The following DPH1 variants were observed in gnomAD, a reference collection of about 807,000 sequenced individuals.
DPH1 encodes the protein 2-(3-amino-3-carboxypropyl)histidine synthase subunit 1.
Under a neutral mutation model 55.3 loss-of-function variants are expected in DPH1, and 59 were observed. The ratio of observed to expected loss-of-function variants is 1.07; its 90% CI spans 0.87 to 1.33. The LOEUF is 1.33. DPH1 is among the 40% of genes most tolerant of loss of function. The pLI is 0.00. For missense variants in DPH1, 628 were observed against 584.8 expected, an observed-to-expected ratio of 1.07 and a Z score of -0.76; for synonymous variants, 238 against 235.5, an observed-to-expected ratio of 1.01 and a Z score of -0.10.
In DPH1 at chr17:2,039,668, C is replaced by CACCTGGCA; in HGVS notation, c.681-87_681-86insACCTGGCA. 3 of 1,551,088 alleles carry CACCTGGCA rather than the reference C, an allele frequency of 1.9e-6. No individual in the cohort carries two copies. The East Asian group carries it at 6.8e-5, about 35-fold the overall frequency. On this transcript the variant is annotated intron_variant, in intron 6 of 12. Coordinates refer to ENST00000263083, the MANE Select transcript of DPH1 (RefSeq NM_001383.6). Reference sequence around the variant, plus strand: ...CTGGGATTACAGGCGTGAGCCACCGCGCCCGGCCAGCCCTGTGGACTTCTA... The same window carrying CACCTGGCA: ...CTGGGATTACAGGCGTGAGCCACCGCACCTGGCAGCCCGGCCAGCCCTGTGGACTTCTA...
In DPH1 at chr17:2,041,890, T is replaced by C. The variant is rs1477275526; in HGVS notation, c.*18+15T>C. On this transcript the variant is annotated intron_variant, in intron 12 of 12. Transcript: ENST00000263083. ...CCGGGCCTCAGGTATCAGCCCCCGC[T>C]CTGGGTGCGCCCCGCCTTTTGCCGT... is the stretch of plus-strand genomic sequence containing the variant. 1.3e-6 allele frequency: 2 copies of C among 1,557,722 alleles called. No homozygotes were observed. The highest frequency in any genetic ancestry group is 8.6e-7 in the Non-Finnish European group (1 of 1,156,144).
At chr17:2,040,854 G>T in intron 9 of DPH1, 1 of 624,432 alleles carries the variant, frequency 1.6e-6, no homozygotes, top group Non-Finnish European at 2.8e-6. Context: ...CCCTGTACCA[G>T]GTACTAAATG....
At chr17:2,038,899 AC>A (rs2067466853) in intron 6 of DPH1, 1 of 152,044 alleles carries the variant, frequency 6.6e-6, no homozygotes, top group Non-Finnish European at 1.5e-5. Context: ...TTGGGGTGGG[AC>A]GGTTCTTAGA....
intron 12 of DPH1, chr17:2,042,082 T>G: frequency 1.3e-6 from 2 of 1,565,348 alleles, no homozygotes; most frequent in South Asian, 1.1e-5. Context: ...GTCCTGTGCC[T>G]GGCGGGCTTC....
At chr17:2,034,205 C>CG (rs998275970) in intron 3 of DPH1, among the ~76,000 whole-genome samples, 1 of 149,460 alleles carries the variant, frequency 6.7e-6, no homozygotes, top group African/African-American at 2.5e-5. Flanking sequence ...GTCTGCCGGT[C>CG]GGGGGCGGTG....
intron 7 of DPH1, 149 bp from the exon 8 acceptor site, chr17:2,040,069 C>A: frequency 8.2e-7 from 1 of 1,220,340 alleles, no homozygotes. Flanking sequence ...ACAGGTCTTC[C>A]TAATGACAGT....
At chr17:2,031,565 CAAAA>C (rs56410346) in intron 1 of DPH1, among the ~76,000 whole-genome samples, 1 of 69,660 alleles carries the variant, frequency 1.4e-5, no homozygotes, top group African/African-American at 5.7e-5. Context: ...GACTCTGTCT[CAAAA>C]AAAAAAAAAA....
rs899298657 is a variant in DPH1, at chr17:2,043,123, T to C, written c.*537T>C. On this transcript the variant is annotated 3_prime_UTR_variant, in exon 13 of 13. Transcript: ENST00000263083. Reference sequence around the variant, plus strand: ...AGAGTGAAAGATCAAGAAATGTCTCTGCTCCTACATCCAGCTCCTCTAGGG... The same window carrying C: ...AGAGTGAAAGATCAAGAAATGTCTCCGCTCCTACATCCAGCTCCTCTAGGG... 5 of 1,608,086 alleles carry C rather than the reference T, an allele frequency of 3.1e-6. No individual in the cohort carries two copies. The highest frequency in any genetic ancestry group is 3.3e-5 in the Admixed American group (2 of 59,920).
At chr17:2,042,186 C>T (rs2067547260) in intron 12 of DPH1, 3 of 1,445,964 alleles carry the variant, frequency 2.1e-6, no homozygotes, top group Middle Eastern at 1.8e-4. Context: ...CGGCCCGCAC[C>T]CGGTCCCCGA....
At position 2,041,125 on chromosome 17, in the gene DPH1, C is replaced by A; in HGVS notation, c.1030C>A (p.Arg344Ser). The A allele has an allele frequency of 6.2e-7, 1 of 1,604,636 alleles. No individual in the cohort carries two copies. The highest frequency in any genetic ancestry group is 1.1e-5 in the South Asian group (1 of 89,330). Residue 344 changes from arginine to serine, a missense_variant, in exon 10 of 13, where the codon CGT (arginine) becomes AGT (serine). Arg to Ser is a moderately radical substitution (Grantham distance 110). Transcript: ENST00000263083. The stretch of plus-strand genomic sequence containing the variant: ...CAGGTGGGTGCAGGTGGCATGTCCA[C>A]GTCTCTCCATTGACTGGGGCACAGC... ...VDVWVQVACPRLSIDWGTAFP... is the reference protein window; with the variant it reads ...VDVWVQVACPSLSIDWGTAFP...
At position 2,040,430 on chromosome 17, in the gene DPH1, G is replaced by GA. The variant is rs2067498959; in HGVS notation, c.906+60dup. 14 of 1,613,570 alleles carry GA rather than the reference G, an allele frequency of 8.7e-6. No individual in the cohort carries two copies. In the Admixed American group the frequency reaches 1.3e-4, roughly 15 times the overall value. ...GGGAAGTGACTGGGAACACAGCTGG[G>GA]AAAACCAGTAGGCCACAGGTTCAGC... On this transcript the variant is annotated intron_variant, in intron 8 of 12. Coordinates refer to ENST00000263083, the MANE Select transcript of DPH1 (RefSeq NM_001383.6).
At position 2,041,750 on chromosome 17, in the gene DPH1, C is replaced by CAA. The variant is rs1567548887; in HGVS notation, c.1228-16_1228-15dup. 1 of 1,598,132 alleles carries CAA rather than the reference C, an allele frequency of 6.3e-7. No homozygotes were observed. The highest frequency in any genetic ancestry group is 1.1e-5 in the South Asian group (1 of 89,092). On this transcript the variant is annotated splice_polypyrimidine_tract_variant and intron_variant, in intron 11 of 12. Coordinates refer to ENST00000263083, the MANE Select transcript of DPH1 (RefSeq NM_001383.6). ...AGGGTCGCAGGAGCGAGACCCTAAC[C>CAA]AAAGTCTGCGACCTCAGGTGCAGGA...
Position 2,036,387 on chromosome 17 carries a change from C to G in DPH1, c.401-142C>G. ...GATTGAGAAGGAGCTTCTAGGGGAT[C>G]TGTGACCCCCCTCTTCTCCTACCCT... On this transcript the variant is annotated intron_variant, in intron 4 of 12. Coordinates refer to ENST00000263083, the MANE Select transcript of DPH1 (RefSeq NM_001383.6). This position sits in a 1 kb window ranked among gnomAD's most constrained non-coding sequence, Gnocchi z 4.8. The G allele has an allele frequency of 8.5e-7, 1 of 1,182,098 alleles. No homozygotes were observed. The highest frequency in any genetic ancestry group is 1.2e-6 in the Non-Finnish European group (1 of 837,126). The allele number at this position is 1,182,098 out of a possible 1,614,324, so 73.2% of individuals were successfully genotyped here. A position where few individuals can be genotyped will look rare whatever the true frequency, so the allele number is the denominator to read the frequency against.
At chr17:2,039,043 G>T (rs1275686062) in intron 6 of DPH1, 2 of 151,828 alleles carry the variant, frequency 1.3e-5, no homozygotes, top group African/African-American at 4.8e-5. Flanking sequence ...AGCACAGCCA[G>T]CTGTGAACTC....
chr17:2,030,221 C>T lies in DPH1; in HGVS notation c.52C>T (p.Pro18Ser). The change falls in exon 1 of 13, where the codon CCT becomes TCT. Residue 18 changes from proline (P) to serine (S), a missense_variant. Pro to Ser is a moderately conservative substitution (Grantham distance 74). Transcript: ENST00000263083. ...GAAEQGGRDGPGRGRAPRGRV... is the reference protein window; with the variant it reads ...GAAEQGGRDGSGRGRAPRGRV... ...AGCGGAGCAGGGCGGCCGAGACGGC[C>T]CTGGCAGAGGTGGGTGCTGGAACGC... 1 of 1,588,282 alleles carries T rather than the reference C, an allele frequency of 6.3e-7. No homozygotes were observed.
Position 2,032,072 on chromosome 17 carries a change from C to T in DPH1, c.62-1433C>T, listed in dbSNP as rs537856396. On this transcript the variant is annotated intron_variant, in intron 1 of 12. Coordinates refer to ENST00000263083, the MANE Select transcript of DPH1 (RefSeq NM_001383.6). ...TCCCTTTTAAATGAGGAGAGGTAAGCGTGAAAGAACGAACAGTGTGGCCAC... is the reference window on the plus strand; with the variant it reads ...TCCCTTTTAAATGAGGAGAGGTAAGTGTGAAAGAACGAACAGTGTGGCCAC... Among the ~76,000 whole-genome samples, 4 of 152,216 alleles carry T rather than the reference C, an allele frequency of 2.6e-5. No homozygotes were observed. In the East Asian group the frequency reaches 5.8e-4, roughly 22 times the overall value.
At chr17:2,042,114 CGT>C in intron 12 of DPH1, 1 of 1,566,390 alleles carries the variant, frequency 6.4e-7, no homozygotes, top group Non-Finnish European at 8.6e-7. Context: ...GCGGGGCTTC[CGT>C]GAGAAGACCG....
At chr17:2,030,852 C>G (rs1392570285) in intron 1 of DPH1, among the ~76,000 whole-genome samples, 1 of 152,140 alleles carries the variant, frequency 6.6e-6, no homozygotes, top group Non-Finnish European at 1.5e-5. Flanking sequence ...GCTGATTGTC[C>G]AAGGCTTTTG....
Position 2,033,669 on chromosome 17 carries a change from A to T in DPH1, c.214+12A>T. Reference sequence around the variant, plus strand: ...CCAGGCCAAGAAGGGTGAGCCTGTGATCATTGAGCTGGGGTTGGGGTGGAG... The same window carrying T: ...CCAGGCCAAGAAGGGTGAGCCTGTGTTCATTGAGCTGGGGTTGGGGTGGAG... On this transcript the variant is annotated intron_variant, in intron 2 of 12. Transcript: ENST00000263083. 1 of 1,613,838 alleles carries T rather than the reference A, an allele frequency of 6.2e-7. No individual in the cohort carries two copies. Among genetic ancestry groups the T allele is most frequent in the Non-Finnish European group, 8.5e-7 (1 of 1,179,762 alleles).
Sources: gnomAD v4.1 joint callset for allele counts (sites outside exome capture counted in the v4.1 genomes callset) on GRCh38, gnomAD v4.1.1 for gene constraint, Gnocchi (gnomAD v3.1) non-coding constraint, MANE v1.5 for transcripts, NCBI Gene and HGNC (gene_info 2026-07-23, HGNC 2026-07-21) for gene names.